Variants in ZBBX observed in about 807,000 individuals in gnomAD.
ZBBX encodes the protein zinc finger B-box domain-containing protein 1.
A neutral mutation model predicts 108.5 loss-of-function variants in ZBBX; 101 were observed. The observed-to-expected ratio is 0.93, with a 90% CI of 0.79 to 1.10. The LOEUF (loss-of-function observed/expected upper bound fraction) is 1.10, where lower values mean the gene tolerates loss of function less well. Among genes scored for constraint, ZBBX ranks in the 50% least tolerant of loss-of-function variants. The pLI, the probability that ZBBX is intolerant of heterozygous loss-of-function variation, is 0.00. For missense variants in ZBBX, 1,009 were observed against 941.4 expected (o/e 1.07, Z -0.94); for synonymous variants, 356 against 323.4 (o/e 1.10, Z -1.08).
At chr3:167,282,561 A>G (rs147135060) in intron 19 of ZBBX, 66 bp from the exon 20 acceptor site, 1 of 1,356,980 alleles carries the variant, frequency 7.4e-7, no homozygotes, top group Non-Finnish European at 1.0e-6. Flanking sequence ...TTAAAGATAC[A>G]AAATACCAGG....
the ZBBX span, among the ~76,000 whole-genome samples, chr3:167,200,690 C>A: frequency 6.6e-6 from 1 of 152,116 alleles, no homozygotes; most frequent in African/African-American, 2.4e-5. Context: ...AGTACAGGCA[C>A]TTATGTAATA....
chr3:167,310,633 G>A (rs1734424831), intron 16 of ZBBX, among the ~76,000 whole-genome samples: 1 of 152,022 alleles, frequency 6.6e-6, no homozygotes, highest in South Asian at 2.1e-4. Flanking sequence ...CAGAGCTCAC[G>A]AGGACTCACT....
intron 4 of ZBBX, among the ~76,000 whole-genome samples, chr3:167,371,754 T>C (rs1418924397): frequency 6.6e-6 from 1 of 152,176 alleles, no homozygotes; most frequent in Non-Finnish European, 1.5e-5. Context: ...AAATACATGG[T>C]ATACCTAAAA....
the ZBBX span, among the ~76,000 whole-genome samples, chr3:167,229,439 T>C: frequency 6.6e-6 from 1 of 151,890 alleles, no homozygotes; most frequent in Non-Finnish European, 1.5e-5. Flanking sequence ...ATTTTATTCA[T>C]TTATGCCCCA....
At chr3:167,230,606 A>G in the ZBBX span, among the ~76,000 whole-genome samples, 2 of 151,808 alleles carry the variant, frequency 1.3e-5, no homozygotes, top group East Asian at 1.9e-4. Context: ...GAAGGGAGTC[A>G]AGGTAAAGGT....
At chr3:167,189,792 T>A in the ZBBX span, among the ~76,000 whole-genome samples, 3 of 152,328 alleles carry the variant, frequency 2.0e-5, no homozygotes, top group East Asian at 3.9e-4. Flanking sequence ...ACTGATATAT[T>A]ATTATCACCC....
At chr3:167,334,015 C>T (rs746523269) in intron 9 of ZBBX, 30 bp from the exon 10 acceptor site, 86 of 1,431,822 alleles carry the variant, frequency 6.0e-5, no homozygotes, top group East Asian at 1.4e-4. Flanking sequence ...ATAATTAAAG[C>T]GCCTCATATG....
At chr3:167,272,061 A>G (rs1469674924) in intron 20 of ZBBX, among the ~76,000 whole-genome samples, 4 of 152,220 alleles carry the variant, frequency 2.6e-5, no homozygotes, top group African/African-American at 9.6e-5. Context: ...GAGAGTAGAA[A>G]GGATGAATCA....
intron 1 of ZBBX, among the ~76,000 whole-genome samples, chr3:167,397,142 T>TAAAGAAAA: frequency 1.4e-5 from 1 of 72,414 alleles, no homozygotes; most frequent in African/African-American, 5.3e-5. Flanking sequence ...TTCTTGGTGG[T>TAAAGAAAA]AAAAAAAAAA....
At chr3:167,324,191 G>GTGGAA (rs1274696951) in intron 11 of ZBBX, among the ~76,000 whole-genome samples, 1 of 151,920 alleles carries the variant, frequency 6.6e-6, no homozygotes, top group Admixed American at 6.6e-5. Context: ...GTCACCCAGG[G>GTGGAA]TGGAGTGCAG....
intron 11 of ZBBX, among the ~76,000 whole-genome samples, chr3:167,322,537 A>G (rs903967174): frequency 1.3e-5 from 2 of 152,062 alleles, no homozygotes; most frequent in Admixed American, 6.6e-5. Flanking sequence ...TTCATTGTAC[A>G]TTGTATAAAC....
intron 1 of ZBBX, among the ~76,000 whole-genome samples, chr3:167,407,588 C>T (rs1267766880): frequency 6.6e-6 from 1 of 151,920 alleles, no homozygotes; most frequent in Non-Finnish European, 1.5e-5. Context: ...ATACAAAATA[C>T]AGTATACACT....
At chr3:167,336,201 T>C (rs1156483451) in intron 9 of ZBBX, among the ~76,000 whole-genome samples, 3 of 152,100 alleles carry the variant, frequency 2.0e-5, no homozygotes, top group African/African-American at 7.2e-5. Context: ...CTGCTATCAA[T>C]GTTATAATAA....
chr3:167,378,403 T>TA (rs1270773204), intron 2 of ZBBX, among the ~76,000 whole-genome samples: 1 of 152,156 alleles, frequency 6.6e-6, no homozygotes, highest in Non-Finnish European at 1.5e-5. Context: ...TAAACAATAT[T>TA]AAAAGGCACT....
chr3:167,374,251 GAT>G (rs1746611682), intron 2 of ZBBX, among the ~76,000 whole-genome samples: 1 of 151,964 alleles, frequency 6.6e-6, no homozygotes, highest in Non-Finnish European at 1.5e-5. Flanking sequence ...CTTTGGCTCA[GAT>G]CAGAAATTAG....
At chr3:167,283,934 A>T (rs2108534819) in intron 19 of ZBBX, among the ~76,000 whole-genome samples, 1 of 152,274 alleles carries the variant, frequency 6.6e-6, no homozygotes, top group South Asian at 2.1e-4. Flanking sequence ...ACTTAAAAAA[A>T]ATCTACTTCG....
the ZBBX span, among the ~76,000 whole-genome samples, chr3:167,194,248 A>ATATATATATATATATATATG: frequency 7.2e-6 from 1 of 139,348 alleles, no homozygotes; most frequent in Non-Finnish European, 1.6e-5. Flanking sequence ...ATATATATAT[A>ATATATATATATATATATATG]TATGTATATT....
the ZBBX span, among the ~76,000 whole-genome samples, chr3:167,219,985 T>C: frequency 5.9e-5 from 9 of 151,858 alleles, no homozygotes; most frequent in Non-Finnish European, 1.2e-4. Flanking sequence ...TGCCAATAAA[T>C]TGAAAAACAC....
At chr3:167,244,810 T>C (rs116418031) in intron 20 of ZBBX, among the ~76,000 whole-genome samples, 2,964 of 152,240 alleles carry the variant, frequency 0.019, 107 homozygotes, top group African/African-American at 0.068. Flanking sequence ...TTTCTATCCC[T>C]GGAGTAAGAG....
Sources: gnomAD v4.1 joint callset for allele counts (sites outside exome capture counted in the v4.1 genomes callset) on GRCh38, gnomAD v4.1.1 for gene constraint, MANE v1.5 for transcripts, NCBI Gene and HGNC (gene_info 2026-07-23, HGNC 2026-07-21) for gene names.